RAPGEF4: variants seen among roughly 807,000 people sequenced by gnomAD.
The protein encoded by RAPGEF4 is Rap guanine nucleotide exchange factor 4.
In RAPGEF4, 66 loss-of-function variants were observed where a neutral mutation model predicts 147.9. That is an observed-to-expected ratio of 0.45 (90% CI 0.37 to 0.55). The LOEUF is 0.55. RAPGEF4 is among the 20% of genes least tolerant of loss of function. RAPGEF4 has a pLI of 0.00. For synonymous variants in RAPGEF4, 419 were observed against 442.7 expected (o/e 0.95, Z 0.67); for missense variants, 1,071 against 1,257.3 (o/e 0.85, Z 2.24).
intron 1 of RAPGEF4, among the ~76,000 whole-genome samples, chr2:172,743,122 T>C (rs796754960): frequency 3.9e-5 from 6 of 152,204 alleles, no homozygotes; most frequent in African/African-American, 1.2e-4. Flanking sequence ...TAAAATCACG[T>C]TTGTGCATCC....
intron 3 of RAPGEF4, among the ~76,000 whole-genome samples, chr2:172,812,377 C>T (rs999437716): frequency 3.9e-5 from 6 of 152,136 alleles, no homozygotes; most frequent in Non-Finnish European, 5.9e-5. Context: ...GGCAGCACTA[C>T]CGTGATGAAA....
chr2:172,748,270 T>C (rs1275543007), intron 1 of RAPGEF4, among the ~76,000 whole-genome samples: 1 of 152,212 alleles, frequency 6.6e-6, no homozygotes, highest in East Asian at 1.9e-4. Flanking sequence ...AACATACTAA[T>C]TTACATTCTG....
At chr2:172,771,345 T>A (rs1683556221) in intron 1 of RAPGEF4, among the ~76,000 whole-genome samples, 1 of 151,676 alleles carries the variant, frequency 6.6e-6, no homozygotes, top group Non-Finnish European at 1.5e-5. Context: ...TACCATCGCC[T>A]TGGGGGTTAG....
At chr2:172,768,532 A>T (rs1697065504) in intron 1 of RAPGEF4, among the ~76,000 whole-genome samples, 1 of 152,048 alleles carries the variant, frequency 6.6e-6, no homozygotes, top group Admixed American at 6.6e-5. Flanking sequence ...AAAGAAAAAA[A>T]AGCTGTGGAT....
intron 16 of RAPGEF4, among the ~76,000 whole-genome samples, chr2:173,000,559 A>G (rs1288060173): frequency 6.6e-6 from 1 of 152,166 alleles, no homozygotes; most frequent in Non-Finnish European, 1.5e-5. Flanking sequence ...TCAATGATGA[A>G]GTAAATGAAG....
rs79474589 is a variant in RAPGEF4, at chr2:172,967,938, G to C, written c.1004+494G>C. Among the ~76,000 whole-genome samples, 929 of 152,256 alleles carry C rather than the reference G, an allele frequency of 6.1e-3. 14 individuals carry two copies. The highest frequency in any genetic ancestry group is 0.021 in the African/African-American group (886 of 41,524). ...TCATTCTTCTGAGCACACCACAACTGCATTACCCCTGTCAAGGCCCCCATT... is the reference window on the plus strand; with the variant it reads ...TCATTCTTCTGAGCACACCACAACTCCATTACCCCTGTCAAGGCCCCCATT... On this transcript the variant is annotated intron_variant, in intron 10 of 30. Coordinates refer to ENST00000397081, the MANE Select transcript of RAPGEF4 (RefSeq NM_007023.4).
At chr2:172,799,493 A>C (rs1686750467) in intron 3 of RAPGEF4, among the ~76,000 whole-genome samples, 1 of 152,126 alleles carries the variant, frequency 6.6e-6, no homozygotes, top group South Asian at 2.1e-4. Context: ...TTCTTTCTGC[A>C]TATCTCCTAC....
intron 1 of RAPGEF4, among the ~76,000 whole-genome samples, chr2:172,792,196 C>T (rs890544390): frequency 3.9e-5 from 6 of 152,336 alleles, no homozygotes; most frequent in Non-Finnish European, 7.4e-5. Context: ...CCAGTAGGGG[C>T]GCCTCTGCCA....
intron 6 of RAPGEF4, among the ~76,000 whole-genome samples, chr2:172,929,756 G>A (rs1685730377): frequency 6.6e-6 from 1 of 152,124 alleles, no homozygotes; most frequent in Non-Finnish European, 1.5e-5. Flanking sequence ...AGAAGCACAC[G>A]TGAACAAATA....
At chr2:172,959,205 A>C (rs144199529) in intron 6 of RAPGEF4, among the ~76,000 whole-genome samples, 2 of 152,366 alleles carry the variant, frequency 1.3e-5, no homozygotes, top group African/African-American at 4.8e-5. Flanking sequence ...CACTGGGCTC[A>C]CAATAAGGCG....
At chr2:172,794,417 A>G (rs1013404568) in intron 1 of RAPGEF4, among the ~76,000 whole-genome samples, 3 of 152,044 alleles carry the variant, frequency 2.0e-5, no homozygotes, top group African/African-American at 7.2e-5. Flanking sequence ...TACCTTGAAC[A>G]ATGGGAAGAT....
intron 3 of RAPGEF4, among the ~76,000 whole-genome samples, chr2:172,802,952 A>G (rs1361442807): frequency 6.6e-6 from 1 of 152,202 alleles, no homozygotes; most frequent in Non-Finnish European, 1.5e-5. Context: ...TCTCATATTC[A>G]GGTCATGCTG....
chr2:172,756,138 C>T (rs112904954), intron 1 of RAPGEF4, among the ~76,000 whole-genome samples: 1 of 152,306 alleles, frequency 6.6e-6, no homozygotes, highest in African/African-American at 2.4e-5. Flanking sequence ...GGACTCTGCT[C>T]ATAACTGATT....
At chr2:172,791,838 G>C (rs746439462) in intron 1 of RAPGEF4, among the ~76,000 whole-genome samples, 1 of 152,132 alleles carries the variant, frequency 6.6e-6, no homozygotes, top group African/African-American at 2.4e-5. Context: ...CTGTTTTCTC[G>C]TGAGTGTCAG....
At chr2:172,814,531 G>A in intron 4 of RAPGEF4, 106 bp downstream of exon 4, 1 of 1,348,932 alleles carries the variant, frequency 7.4e-7, no homozygotes, top group African/African-American at 1.4e-5. Context: ...TCTGTTCTGA[G>A]CTGGTAGATG....
chr2:172,840,684 G>A (rs570243008), intron 4 of RAPGEF4, among the ~76,000 whole-genome samples: 1 of 152,290 alleles, frequency 6.6e-6, no homozygotes, highest in Non-Finnish European at 1.5e-5. Flanking sequence ...TTTATTTAAG[G>A]TGAATATTAT....
intron 1 of RAPGEF4, among the ~76,000 whole-genome samples, chr2:172,750,616 G>A (rs908565717): frequency 6.6e-6 from 1 of 152,122 alleles, no homozygotes; most frequent in African/African-American, 2.4e-5. Flanking sequence ...GTGCACAGAG[G>A]TTCCCTTTTC....
At chr2:172,838,387 A>G (rs1357871264) in intron 4 of RAPGEF4, among the ~76,000 whole-genome samples, 1 of 152,138 alleles carries the variant, frequency 6.6e-6, no homozygotes. Flanking sequence ...CGCCTTTGTT[A>G]TCCCTGCAAT....
At chr2:172,935,537 C>T (rs528703919) in intron 6 of RAPGEF4, among the ~76,000 whole-genome samples, 3 of 152,316 alleles carry the variant, frequency 2.0e-5, no homozygotes, top group Admixed American at 6.5e-5. Context: ...CTGCCCCCTT[C>T]GATTGATGTA....
Sources: gnomAD v4.1 joint callset for allele counts (sites outside exome capture counted in the v4.1 genomes callset) on GRCh38, gnomAD v4.1.1 for gene constraint, MANE v1.5 for transcripts, NCBI Gene and HGNC (gene_info 2026-07-23, HGNC 2026-07-21) for gene names.